Variants in FIBIN observed in about 807,000 individuals in gnomAD.
FIBIN encodes fin bud initiation factor homolog (zebrafish).
Under a neutral mutation model 13.0 loss-of-function variants are expected in FIBIN, and 8 were observed. That is an observed-to-expected ratio of 0.62 (90% CI 0.36 to 1.11). The LOEUF is 1.11. Ranked by LOEUF, FIBIN falls within the 50% of genes most tolerant of loss-of-function variation. FIBIN has a pLI of 0.02. For synonymous variants in FIBIN, 127 were observed against 114.7 expected (o/e 1.11, Z -0.69); for missense variants, 261 against 260.2 (o/e 1.00, Z -0.02).
At position 26,995,368 on chromosome 11, in the gene FIBIN, A is replaced by T; in HGVS notation, c.*206A>T. On this transcript the variant is annotated 3_prime_UTR_variant, in exon 1 of 1. Transcript: ENST00000318627. ...GTTTTTAGTTTTGTTTTTGTACATT[A>T]TTTATGTGATTGTTATGGAATTGTC... The T allele has an allele frequency of 2.0e-6, 1 of 506,108 alleles. No individual in the cohort carries two copies. The highest frequency in any genetic ancestry group is 3.5e-6 in the Non-Finnish European group (1 of 286,122). 31.4% of individuals were successfully genotyped at this position (506,108 alleles called of 1,614,324 possible). A position where few individuals can be genotyped will look rare whatever the true frequency, so the allele number is the denominator to read the frequency against.
chr11:26,995,547 A>G lies in FIBIN; in HGVS notation c.*385A>G, dbSNP rs1385394438. ...GATTATGTGGAAATACCCAAAGATA[A>G]TAGTGCATAGCTCCTTTCAGCCTCT... On this transcript the variant is annotated 3_prime_UTR_variant, in exon 1 of 1. Transcript: ENST00000318627. The G allele has an allele frequency of 5.5e-6, 1 of 181,028 alleles. No homozygotes were observed. The highest frequency in any genetic ancestry group is 1.8e-4 in the East Asian group (1 of 5,572). The allele number at this position is 181,028 out of a possible 1,614,324, so 11.2% of individuals were successfully genotyped here.
At position 26,994,928 on chromosome 11, in the gene FIBIN, C is replaced by A. The variant is rs975092793; in HGVS notation, c.402C>A (p.Asp134Glu). Residue 134 changes from aspartate (D) to glutamate (E), a missense_variant, in exon 1 of 1, where the codon GAC (aspartate) becomes GAA (glutamate). By Grantham distance (45) the Asp-to-Glu change is conservative. Coordinates refer to ENST00000318627, the MANE Select transcript of FIBIN (RefSeq NM_203371.2). ...TCGGGGATGCCTACTCCAACTCGGA[C>A]AAATCCCTCACTGAGCTGGAGAGCA... ...HQIGDAYSNSDKSLTELESKF... is the reference protein window; with the variant it reads ...HQIGDAYSNSEKSLTELESKF... The A allele has an allele frequency of 1.9e-6, 3 of 1,610,278 alleles. No individual in the cohort carries two copies. The South Asian group carries it at 3.3e-5, about 18-fold the overall frequency.
In FIBIN at chr11:26,996,656, T is replaced by G. The variant is rs1850932391; in HGVS notation, c.*1494T>G. ...GAAAATAAATAAATGTTCATATTCT[T>G]CTGTTCAACAGACATTTATTTTCTC... On this transcript the variant is annotated 3_prime_UTR_variant, in exon 1 of 1. Coordinates refer to ENST00000318627, the MANE Select transcript of FIBIN (RefSeq NM_203371.2). 6.6e-6 allele frequency among the ~76,000 whole-genome samples: 1 copy of G among 152,190 alleles called. No individual in the cohort carries two copies. The highest frequency in any genetic ancestry group is 2.1e-4 in the South Asian group (1 of 4,832).
Position 26,994,728 on chromosome 11 carries a change from G to T in FIBIN, c.202G>T (p.Glu68Ter). 1.2e-6 allele frequency: 2 copies of T among 1,613,700 alleles called. No individual in the cohort carries two copies. Among genetic ancestry groups the T allele is most frequent in the East Asian group, 2.2e-5 (1 of 44,816 alleles). ...VSDHRRCSQG[E>*]GSQVGSLLSL... ...TGACCACAGGCGCTGCTCCCAGGGG[G>T]AGGGGAGCCAGGTTGGCAGCCTGCT... The change falls in exon 1 of 1, where the codon GAG becomes TAG. Residue 68 changes from glutamate (E) to a stop codon, truncating the protein, a stop_gained. Transcript: ENST00000318627. LOFTEE classifies it high-confidence loss of function.
chr11:26,994,985 G>A lies in FIBIN; in HGVS notation c.459G>A (p.Arg153=), dbSNP rs772290499. 2.5e-6 allele frequency: 4 copies of A among 1,613,932 alleles called. No homozygotes were observed. The highest frequency in any genetic ancestry group is 3.4e-6 in the Non-Finnish European group (4 of 1,180,008). Reference sequence around the variant, plus strand: ...AGCAGGGCCAGGAACAGGACAGCCGGCAGGAGAGCAGGCTCAACGAGGACT... The same window carrying A: ...AGCAGGGCCAGGAACAGGACAGCCGACAGGAGAGCAGGCTCAACGAGGACT... ...KFKQGQEQDS[R]QESRLNEDFL... Residue 153 remains arginine (R), a synonymous_variant, in exon 1 of 1, where the codon CGG becomes CGA. Coordinates refer to ENST00000318627, the MANE Select transcript of FIBIN (RefSeq NM_203371.2).
rs886584234 is a variant in FIBIN, at chr11:26,994,767, C to A, written c.241C>A (p.Arg81=). ...TGGCAGCCTGCTGAGCCTCACCCTG[C>A]GGGAGGAGTTCACCGTGCTGGGCCG... ...QVGSLLSLTL[R]EEFTVLGRQV... The change falls in exon 1 of 1, where the codon CGG becomes AGG. Residue 81 remains arginine (R), a synonymous_variant. Coordinates refer to ENST00000318627, the MANE Select transcript of FIBIN (RefSeq NM_203371.2). 3 of 1,612,304 alleles carry A rather than the reference C, an allele frequency of 1.9e-6. No homozygotes were observed. Among genetic ancestry groups the A allele is most frequent in the African/African-American group, 2.7e-5 (2 of 74,834 alleles).
Position 26,994,331 on chromosome 11 carries a change from G to A in FIBIN, c.-196G>A. ...CAAGGGTGGGTGCATCCTGCGCTGC[G>A]GCGGGCGCGCTACCCAGACGCTGGT... is the stretch of plus-strand genomic sequence containing the variant. On this transcript the variant is annotated 5_prime_UTR_variant, in exon 1 of 1. Transcript: ENST00000318627. The A allele has an allele frequency of 1.9e-6, 1 of 535,208 alleles. No homozygotes were observed. Among genetic ancestry groups the A allele is most frequent in the Non-Finnish European group, 3.3e-6 (1 of 307,478 alleles). The allele number at this position is 535,208 out of a possible 1,614,324, so 33.2% of individuals were successfully genotyped here.
At position 26,994,858 on chromosome 11, in the gene FIBIN, G is replaced by A. The variant is rs764174247; in HGVS notation, c.332G>A (p.Gly111Glu). 1.5e-5 allele frequency: 24 copies of A among 1,597,156 alleles called. No homozygotes were observed. In the Middle Eastern group the frequency reaches 1.0e-3, roughly 67 times the overall value. ...ISKSISYDLD[G>E]EESYGKYLRR... is the part of the protein sequence containing the mutation. The stretch of plus-strand genomic sequence containing the variant: ...AAAAGCATCTCCTACGACCTAGACG[G>A]GGAAGAGAGCTATGGCAAGTACCTG... Residue 111 changes from glycine (G) to glutamate (E), a missense_variant, in exon 1 of 1, where the codon GGG becomes GAG. Transcript: ENST00000318627.
In FIBIN at chr11:26,997,027, T is replaced by C. The variant is rs1004088729; in HGVS notation, c.*1865T>C. Among the ~76,000 whole-genome samples the C allele has an allele frequency of 6.6e-6, 1 of 152,170 alleles. No individual in the cohort carries two copies. Among genetic ancestry groups the C allele is most frequent in the Non-Finnish European group, 1.5e-5 (1 of 68,024 alleles). Reference sequence around the variant, plus strand: ...TCACTTAAAGTAGTTTCCTTCTTTATTCTGAAAAAATGAGGAAAAAATAAC... The same window carrying C: ...TCACTTAAAGTAGTTTCCTTCTTTACTCTGAAAAAATGAGGAAAAAATAAC... On this transcript the variant is annotated 3_prime_UTR_variant, in exon 1 of 1. Transcript: ENST00000318627.
rs1375589116 is a variant in FIBIN at position 26,994,420 on chromosome 11, G to C, written c.-107G>C. 6 of 1,121,622 alleles carry C rather than the reference G, an allele frequency of 5.3e-6. No homozygotes were observed. The highest frequency in any genetic ancestry group is 7.6e-6 in the Non-Finnish European group (6 of 785,854). 69.5% of individuals were successfully genotyped at this position (1,121,622 alleles called of 1,614,324 possible). A position where few individuals can be genotyped will look rare whatever the true frequency, so the allele number is the denominator to read the frequency against. On this transcript the variant is annotated 5_prime_UTR_variant, in exon 1 of 1. Transcript: ENST00000318627. Reference sequence around the variant, plus strand: ...AGGGAGCAGCAAGCCAGCTGGGACTGAGGCGGACGCTGTCTCAGGGAGACG... The same window carrying C: ...AGGGAGCAGCAAGCCAGCTGGGACTCAGGCGGACGCTGTCTCAGGGAGACG...
chr11:26,996,177 A>G lies in FIBIN; in HGVS notation c.*1015A>G, dbSNP rs1042003880. The G allele has an allele frequency of 1.2e-5, 2 of 166,928 alleles. No individual in the cohort carries two copies. Among genetic ancestry groups the G allele is most frequent in the Non-Finnish European group, 2.9e-5 (2 of 68,118 alleles). The allele number at this position is 166,928 out of a possible 1,614,324, so 10.3% of individuals were successfully genotyped here. ...ACTTTCATATTTCTAAAAGGGGCCA[A>G]TGCAAAAGGAGAGAGAAGGACTGGA... On this transcript the variant is annotated 3_prime_UTR_variant, in exon 1 of 1. Coordinates refer to ENST00000318627, the MANE Select transcript of FIBIN (RefSeq NM_203371.2).
rs1850929381 is a variant in FIBIN, at chr11:26,996,488, A to C, written c.*1326A>C. ...TAAACTACAGTGATGTTTAATTTTG[A>C]AGCCAGGTCTACATTATTTAATTAA... On this transcript the variant is annotated 3_prime_UTR_variant, in exon 1 of 1. Transcript: ENST00000318627. Among the ~76,000 whole-genome samples the C allele has an allele frequency of 1.3e-5, 2 of 152,200 alleles. No individual in the cohort carries two copies. The highest frequency in any genetic ancestry group is 2.9e-5 in the Non-Finnish European group (2 of 68,038).
At position 26,995,279 on chromosome 11, in the gene FIBIN, G is replaced by T. The variant is rs1221586935; in HGVS notation, c.*117G>T. 2.9e-6 allele frequency: 3 copies of T among 1,049,190 alleles called. No individual in the cohort carries two copies. The highest frequency in any genetic ancestry group is 2.7e-6 in the Non-Finnish European group (2 of 737,488). 65.0% of individuals were successfully genotyped at this position (1,049,190 alleles called of 1,614,324 possible). On this transcript the variant is annotated 3_prime_UTR_variant, in exon 1 of 1. Transcript: ENST00000318627. ...CTACTATTTTTTTATATCCCGATTT[G>T]CACTTTGAGAATACATCTAAGGTCA...
chr11:26,995,339 CTT>C lies in FIBIN; in HGVS notation c.*179_*180del. On this transcript the variant is annotated 3_prime_UTR_variant, in exon 1 of 1. Transcript: ENST00000318627. ...AGAGAAAAATTGGACACTTGAGTGACTTTGTTTTTAGTTTTGTTTTTGTACAT... is the reference window on the plus strand; with the variant it reads ...AGAGAAAAATTGGACACTTGAGTGACTGTTTTTAGTTTTGTTTTTGTACAT... 1.8e-6 allele frequency: 1 copy of C among 567,436 alleles called. No homozygotes were observed. The highest frequency in any genetic ancestry group is 3.0e-6 in the Non-Finnish European group (1 of 338,556). The allele number at this position is 567,436 out of a possible 1,614,324, so 35.2% of individuals were successfully genotyped here. A position where few individuals can be genotyped will look rare whatever the true frequency, so the allele number is the denominator to read the frequency against.
At position 26,994,682 on chromosome 11, in the gene FIBIN, C is replaced by T; in HGVS notation, c.156C>T (p.Cys52=). Residue 52 remains cysteine (C), a synonymous_variant, in exon 1 of 1, where the codon TGC becomes TGT. Transcript: ENST00000318627. Reference sequence around the variant, plus strand: ...AGGAGAACGATGACCCCGAGAAGTGCCAGCTGCTCTTCAGGGTGAGTGACC... The same window carrying T: ...AGGAGAACGATGACCCCGAGAAGTGTCAGCTGCTCTTCAGGGTGAGTGACC... ...DYEENDDPEK[C]QLLFRVSDHR... The T allele has an allele frequency of 6.2e-7, 1 of 1,613,446 alleles. No homozygotes were observed. Among genetic ancestry groups the T allele is most frequent in the Non-Finnish European group, 8.5e-7 (1 of 1,179,902 alleles).
rs1850935309 is a variant in FIBIN, at chr11:26,996,848, T to A, written c.*1686T>A. On this transcript the variant is annotated 3_prime_UTR_variant, in exon 1 of 1. Transcript: ENST00000318627. ...TAAACACGGGACTTCCCGAACTAAT[T>A]TTTTTAAGGATACTGAAAAATGAGA... Among the ~76,000 whole-genome samples the A allele has an allele frequency of 6.6e-6, 1 of 152,128 alleles. No individual in the cohort carries two copies. Among genetic ancestry groups the A allele is most frequent in the Non-Finnish European group, 1.5e-5 (1 of 68,022 alleles).
At position 26,994,856 on chromosome 11, in the gene FIBIN, C is replaced by T. The variant is rs1306539162; in HGVS notation, c.330C>T (p.Asp110=). The T allele has an allele frequency of 1.3e-6, 2 of 1,596,960 alleles. No homozygotes were observed. The highest frequency in any genetic ancestry group is 1.3e-5 in the African/African-American group (1 of 74,758). ...GCAAAAGCATCTCCTACGACCTAGACGGGGAAGAGAGCTATGGCAAGTACC... is the reference window on the plus strand; with the variant it reads ...GCAAAAGCATCTCCTACGACCTAGATGGGGAAGAGAGCTATGGCAAGTACC... ...GISKSISYDL[D]GEESYGKYLR... The change falls in exon 1 of 1, where the codon GAC becomes GAT. Residue 110 remains aspartate (D), a synonymous_variant. Coordinates refer to ENST00000318627, the MANE Select transcript of FIBIN (RefSeq NM_203371.2).
In FIBIN at chr11:26,994,680, TG is replaced by T; in HGVS notation, c.155del (p.Cys52SerfsTer7). On this transcript the variant is annotated frameshift_variant, in exon 1 of 1. Transcript: ENST00000318627. LOFTEE classifies it high-confidence loss of function. Reference sequence around the variant, plus strand: ...TGAGGAGAACGATGACCCCGAGAAGTGCCAGCTGCTCTTCAGGGTGAGTGAC... The same window carrying T: ...TGAGGAGAACGATGACCCCGAGAAGTCCAGCTGCTCTTCAGGGTGAGTGAC... ...DYEENDDPEK[C>X]QLLFRVSDHR... 1.2e-6 allele frequency: 2 copies of T among 1,612,062 alleles called. No homozygotes were observed. The highest frequency in any genetic ancestry group is 1.7e-6 in the Non-Finnish European group (2 of 1,179,534).
rs1475198378 is a variant in FIBIN, at chr11:26,994,997, G to C, written c.471G>C (p.Arg157Ser). The C allele has an allele frequency of 6.2e-7, 1 of 1,614,074 alleles. No individual in the cohort carries two copies. The highest frequency in any genetic ancestry group is 2.2e-5 in the East Asian group (1 of 44,844). The change falls in exon 1 of 1, where the codon AGG becomes AGC. Residue 157 changes from arginine (R) to serine (S), a missense_variant. Coordinates refer to ENST00000318627, the MANE Select transcript of FIBIN (RefSeq NM_203371.2). ...AACAGGACAGCCGGCAGGAGAGCAG[G>C]CTCAACGAGGACTTTCTGGGAATGC... ...GQEQDSRQESRLNEDFLGMLV... is the reference protein window; with the variant it reads ...GQEQDSRQESSLNEDFLGMLV...
Sources: gnomAD v4.1 joint callset for allele counts (sites outside exome capture counted in the v4.1 genomes callset) on GRCh38, gnomAD v4.1.1 for gene constraint, MANE v1.5 for transcripts, NCBI Gene and HGNC (gene_info 2026-07-23, HGNC 2026-07-21) for gene names.